The following PDE10A variants were observed in gnomAD, a reference collection of about 807,000 sequenced individuals.
PDE10A encodes phosphodiesterase 10A, also known as cAMP and cAMP-inhibited cGMP 3',5'-cyclic phosphodiesterase 10A.
A neutral mutation model predicts 97.7 loss-of-function variants in PDE10A; 39 were observed. The ratio of observed to expected loss-of-function variants is 0.40; its 90% CI spans 0.31 to 0.52. The LOEUF is 0.52. PDE10A is among the 20% of genes least tolerant of loss of function. The pLI is 0.56. For missense variants in PDE10A, 731 were observed against 1,047.8 expected (o/e 0.70, Z 4.17); for synonymous variants, 371 against 376.8 (o/e 0.98, Z 0.18).
At chr6:165,471,983 T>C (rs1346740446) in intron 3 of PDE10A, among the ~76,000 whole-genome samples, 1 of 152,218 alleles carries the variant, frequency 6.6e-6, no homozygotes, top group Non-Finnish European at 1.5e-5. Context: ...GTGTCAAAAA[T>C]AATACTCCCT....
chr6:165,889,035 A>G (rs1781707358), intron 1 of PDE10A, among the ~76,000 whole-genome samples: 1 of 152,256 alleles, frequency 6.6e-6, no homozygotes, highest in Non-Finnish European at 1.5e-5. Flanking sequence ...TATGAACTGA[A>G]TATCAATGCT....
chr6:165,783,948 G>A lies in PDE10A; in HGVS notation c.-615+203581C>T, dbSNP rs139444482. Among the ~76,000 whole-genome samples the A allele has an allele frequency of 9.2e-3, 1,400 of 152,226 alleles. 26 individuals carry two copies. The highest frequency in any genetic ancestry group is 0.032 in the African/African-American group (1,345 of 41,524). Reference sequence around the variant, plus strand: ...AAAGCTGTCTGCCTTGGCCGGGCGCGGTGGCTCACGCATGTAATCTCAGCA... The same window carrying A: ...AAAGCTGTCTGCCTTGGCCGGGCGCAGTGGCTCACGCATGTAATCTCAGCA... On this transcript the variant is annotated intron_variant, in intron 1 of 19. Coordinates refer to the PDE10A transcript ENST00000366882.
rs900996018 is a variant in PDE10A, at chr6:165,594,192, C to T, written c.866-50624G>A. Reference sequence around the variant, plus strand: ...CTTGGCTACTAAATACCATTTCCCACTGAACAGAACCAGAGTTCCTTGGAG... The same window carrying T: ...CTTGGCTACTAAATACCATTTCCCATTGAACAGAACCAGAGTTCCTTGGAG... On this transcript the variant is annotated intron_variant, in intron 1 of 21. Transcript: ENST00000539869. 4.6e-5 allele frequency among the ~76,000 whole-genome samples: 7 copies of T among 152,132 alleles called. No homozygotes were observed. In the East Asian group the frequency reaches 5.8e-4, roughly 13 times the overall value.
intron 1 of PDE10A, among the ~76,000 whole-genome samples, chr6:165,763,818 G>A (rs1793308905): frequency 6.6e-6 from 1 of 152,200 alleles, no homozygotes; most frequent in African/African-American, 2.4e-5. Flanking sequence ...AACCAGCATA[G>A]GAAGCTTTTT....
chr6:165,416,224 G>A lies in PDE10A; in HGVS notation c.1854C>T (p.Asn618=), dbSNP rs756897832. Residue 618 remains asparagine (N), a synonymous_variant, in exon 12 of 22, where the codon AAC becomes AAT. Coordinates refer to ENST00000539869, the MANE Select transcript of PDE10A (RefSeq NM_001385079.1). ...GTGGGTCTGCATAGGCATCTGGAAT[G>A]TTCAGGACTTCCCCTGTTCTTGCTA... ...GQVARTGEVL[N]IPDAYADPRF... The A allele has an allele frequency of 4.2e-5, 68 of 1,612,996 alleles. No individual in the cohort carries two copies. Among genetic ancestry groups the A allele is most frequent in the Non-Finnish European group, 5.8e-5 (68 of 1,179,098 alleles).
chr6:165,720,413 G>T (rs113592783), intron 1 of PDE10A, among the ~76,000 whole-genome samples: 1 of 152,102 alleles, frequency 6.6e-6, no homozygotes, highest in Non-Finnish European at 1.5e-5. Flanking sequence ...TGCTGAGAGC[G>T]GAATGGGCTG....
At chr6:165,518,193 T>G in intron 2 of PDE10A, among the ~76,000 whole-genome samples, 1 of 136,058 alleles carries the variant, frequency 7.3e-6, no homozygotes, top group Non-Finnish European at 1.6e-5. Flanking sequence ...AACAAATTAA[T>G]TAAGGACATT....
At chr6:165,965,781 C>G (rs1784493346) in intron 1 of PDE10A, among the ~76,000 whole-genome samples, 2 of 152,188 alleles carry the variant, frequency 1.3e-5, no homozygotes, top group Admixed American at 1.3e-4. Flanking sequence ...TCAATACTCT[C>G]CACAAGGTAA....
intron 2 of PDE10A, among the ~76,000 whole-genome samples, chr6:165,527,747 A>G (rs1782534510): frequency 6.6e-6 from 1 of 152,202 alleles, no homozygotes; most frequent in Admixed American, 6.5e-5. Flanking sequence ...GGCACAAGTA[A>G]GTTACATGAG....
At chr6:165,753,952 G>A (rs1291752725) in intron 1 of PDE10A, among the ~76,000 whole-genome samples, 2 of 152,118 alleles carry the variant, frequency 1.3e-5, no homozygotes, top group Non-Finnish European at 2.9e-5. Context: ...CGGTCCCTTT[G>A]CCAAACATGT....
At chr6:165,441,730 G>C (rs913774627) in intron 5 of PDE10A, among the ~76,000 whole-genome samples, 2 of 152,212 alleles carry the variant, frequency 1.3e-5, no homozygotes, top group Non-Finnish European at 2.9e-5. Context: ...AGCCCAGGCT[G>C]TCGGGCTCAT....
At chr6:165,521,253 G>A (rs567275470) in intron 2 of PDE10A, among the ~76,000 whole-genome samples, 4 of 151,984 alleles carry the variant, frequency 2.6e-5, no homozygotes, top group Non-Finnish European at 5.9e-5. Flanking sequence ...GCTGTTCCCC[G>A]ATCTCTCTCC....
At position 165,522,263 on chromosome 6, in the gene PDE10A, A is replaced by T. The variant is rs531469003; in HGVS notation, c.994+21177T>A. On this transcript the variant is annotated intron_variant, in intron 2 of 21. Coordinates refer to ENST00000539869, the MANE Select transcript of PDE10A (RefSeq NM_001385079.1). Reference sequence around the variant, plus strand: ...ATCCTAGTGAAACAACTCCAAAAAAAATTCAAGGAGGAGGGACTGCTCTGT... The same window carrying T: ...ATCCTAGTGAAACAACTCCAAAAAATATTCAAGGAGGAGGGACTGCTCTGT... 5.9e-5 allele frequency among the ~76,000 whole-genome samples: 9 copies of T among 152,302 alleles called. No homozygotes were observed. The South Asian group carries it at 6.2e-4, about 11-fold the overall frequency.
intron 1 of PDE10A, among the ~76,000 whole-genome samples, chr6:165,657,497 G>A (rs1790025341): frequency 6.6e-6 from 1 of 152,218 alleles, no homozygotes; most frequent in Admixed American, 6.5e-5. Context: ...AATTAACAAT[G>A]TATTCGTTGG....
chr6:165,515,451 TA>T (rs1781738926), intron 2 of PDE10A, among the ~76,000 whole-genome samples: 2 of 151,638 alleles, frequency 1.3e-5, no homozygotes, highest in African/African-American at 4.8e-5. Context: ...ATTGGTTTAA[TA>T]TTATAATCAT....
intron 4 of PDE10A, among the ~76,000 whole-genome samples, chr6:165,449,975 C>T (rs1791167305): frequency 6.6e-6 from 1 of 151,876 alleles, no homozygotes; most frequent in African/African-American, 2.4e-5. Context: ...CTATGCTTTC[C>T]AAAGGAAACT....
chr6:165,551,124 G>A (rs2128329217), intron 1 of PDE10A, among the ~76,000 whole-genome samples: 1 of 152,252 alleles, frequency 6.6e-6, no homozygotes, highest in Non-Finnish European at 1.5e-5. Flanking sequence ...ACCTGTGTGT[G>A]TGTTCTCCCC....
intron 1 of PDE10A, among the ~76,000 whole-genome samples, chr6:165,929,329 T>A (rs1480235180): frequency 6.6e-6 from 1 of 152,198 alleles, no homozygotes; most frequent in Non-Finnish European, 1.5e-5. Flanking sequence ...GGGGTTGTGC[T>A]TTTTCTCTCC....
chr6:165,921,173 G>T (rs781571507), intron 1 of PDE10A, among the ~76,000 whole-genome samples: 6 of 152,152 alleles, frequency 3.9e-5, no homozygotes, highest in Non-Finnish European at 8.8e-5. Context: ...CTGTGTTCTG[G>T]ATTATCTCCA....
Sources: allele counts gnomAD v4.1 joint callset (sites outside exome capture counted in the v4.1 genomes callset), GRCh38; gene constraint gnomAD v4.1.1; transcripts MANE v1.5; gene names NCBI Gene and HGNC (gene_info 2026-07-23, HGNC 2026-07-21).